Variants in N4BP2L1 observed in about 807,000 individuals in gnomAD.
N4BP2L1 encodes NEDD4 binding protein 2 like 1, also known as NEDD4-binding protein 2-like 1.
N4BP2L1 carries 12 observed loss-of-function variants against 21.2 expected under a neutral mutation model. That is an observed-to-expected ratio of 0.57 (90% CI 0.36 to 0.92). The LOEUF (loss-of-function observed/expected upper bound fraction) is 0.92. N4BP2L1 is among the 40% of genes least tolerant of loss of function. The probability of loss-of-function intolerance (pLI) is 0.01; values close to 1 mark genes in which losing one functional copy is unlikely to be tolerated. For missense variants in N4BP2L1, 259 were observed against 310.6 expected, an observed-to-expected ratio of 0.83 and a Z score of 1.25; for synonymous variants, 104 against 112.8, an observed-to-expected ratio of 0.92 and a Z score of 0.49.
At chr13:32,419,612 C>A (rs1021023389) in intron 1 of N4BP2L1, among the ~76,000 whole-genome samples, 41 of 151,864 alleles carry the variant, frequency 2.7e-4, no homozygotes, top group Non-Finnish European at 1.2e-4. Context: ...TTTTGCTCAG[C>A]ACTTCTCCTT....
chr13:32,423,122 T>C (rs763806887), intron 1 of N4BP2L1, among the ~76,000 whole-genome samples: 104 of 152,206 alleles, frequency 6.8e-4, no homozygotes, highest in Admixed American at 1.2e-3. Flanking sequence ...TTCCACTGCT[T>C]ATCTGGTTGT....
chr13:32,413,266 A>G (rs2073958728), intron 1 of N4BP2L1, among the ~76,000 whole-genome samples: 1 of 152,112 alleles, frequency 6.6e-6, no homozygotes, highest in Non-Finnish European at 1.5e-5. Flanking sequence ...AAAATTCCCC[A>G]ATGGTCTCAA....
rs1331385192 is a variant in N4BP2L1, at chr13:32,402,970, C to T, written c.704G>A (p.Arg235Lys). The part of the protein sequence containing the change: ...GGFTNESSYH[R>K]RGGCHHGY ...ATATCCATGGTGACAACCGCCCCTT[C>T]TGTGATAGGAGCTCTCATTTGTAAA... The change falls in exon 5 of 5, where the codon AGA (arginine) becomes AAA (lysine). Residue 235 changes from arginine (R) to lysine (K), a missense_variant. By Grantham distance (26) the Arg-to-Lys change is conservative (BLOSUM62 2). Coordinates refer to ENST00000380130, the MANE Select transcript of N4BP2L1 (RefSeq NM_052818.3). The T allele has an allele frequency of 4.3e-6, 7 of 1,611,218 alleles. No individual in the cohort carries two copies. The Admixed American group carries it at 1.2e-4, about 27-fold the overall frequency.
At chr13:32,404,503 G>A (rs1398415554) in intron 3 of N4BP2L1, 106 bp from the exon 4 acceptor site, 1 of 776,598 alleles carries the variant, frequency 1.3e-6, no homozygotes, top group East Asian at 2.7e-5. Flanking sequence ...AATTCCTTTT[G>A]TTTTACCAGT....
rs1044567848 is a variant in N4BP2L1 at position 32,402,792 on chromosome 13, A to G, written c.*150T>C. On this transcript the variant is annotated 3_prime_UTR_variant, in exon 5 of 5. Transcript: ENST00000380130. ...AGAAGCACTTTAACAAATTTTGGTGAAGAAAGTGAATATAATGACTTTGCT... is the reference window on the plus strand; with the variant it reads ...AGAAGCACTTTAACAAATTTTGGTGGAGAAAGTGAATATAATGACTTTGCT... 6.4e-6 allele frequency: 9 copies of G among 1,403,454 alleles called. No homozygotes were observed. In the African/African-American group the frequency reaches 1.3e-4, roughly 20 times the overall value. The allele number at this position is 1,403,454 out of a possible 1,614,324, so 86.9% of individuals were successfully genotyped here.
intron 1 of N4BP2L1, chr13:32,411,687 T>C: frequency 1.0e-6 from 1 of 985,148 alleles, no homozygotes; most frequent in Non-Finnish European, 1.2e-6. Context: ...CAACCCCCGC[T>C]CAAATTCATT....
chr13:32,428,465 T>G (rs2074918072), upstream of N4BP2L1, among the ~76,000 whole-genome samples: 1 of 151,822 alleles, frequency 6.6e-6, no homozygotes, highest in Admixed American at 6.6e-5. Flanking sequence ...AGCCCCGACC[T>G]GCCTAGACCC....
chr13:32,418,100 A>G (rs2074250599), intron 1 of N4BP2L1, among the ~76,000 whole-genome samples: 1 of 152,218 alleles, frequency 6.6e-6, no homozygotes, highest in Non-Finnish European at 1.5e-5. Context: ...CAATGGGGAA[A>G]ATGTCTCCAG....
intron 3 of N4BP2L1, 53 bp from the exon 4 acceptor site, chr13:32,404,450 A>T: frequency 7.7e-7 from 1 of 1,292,156 alleles, no homozygotes; most frequent in Non-Finnish European, 1.1e-6. Flanking sequence ...TATGTTTGGG[A>T]ATGTTTATGC....
intron 1 of N4BP2L1, among the ~76,000 whole-genome samples, chr13:32,413,538 G>T (rs569342575): frequency 6.6e-6 from 1 of 152,102 alleles, no homozygotes; most frequent in Non-Finnish European, 1.5e-5. Flanking sequence ...TGCTAAGTTC[G>T]ATCACTTGGC....
chr13:32,419,345 A>T (rs2074327582), intron 1 of N4BP2L1: 15 of 421,726 alleles, frequency 3.6e-5, no homozygotes, highest in South Asian at 2.5e-4. Flanking sequence ...TCTCGGGTTC[A>T]AGTGATTCTC....
At chr13:32,418,789 T>G (rs1237515436) in intron 1 of N4BP2L1, among the ~76,000 whole-genome samples, 1 of 152,234 alleles carries the variant, frequency 6.6e-6, no homozygotes, top group Non-Finnish European at 1.5e-5. Flanking sequence ...TTTGGAGCTT[T>G]AAGATTTGGC....
At chr13:32,428,351 C>T (rs2074915510), upstream of N4BP2L1, 2 of 316,332 alleles carry the variant, frequency 6.3e-6, no homozygotes, top group Non-Finnish European at 1.2e-5. Flanking sequence ...CCTCCTGGTG[C>T]CCTTTGCCCT....
intron 1 of N4BP2L1, among the ~76,000 whole-genome samples, chr13:32,417,548 G>A (rs545031619): frequency 6.6e-6 from 1 of 152,302 alleles, no homozygotes; most frequent in African/African-American, 2.4e-5. Flanking sequence ...TTTCGGGTAT[G>A]TCTTTATTAG....
At chr13:32,411,562 C>T in intron 1 of N4BP2L1, 3 of 985,264 alleles carry the variant, frequency 3.0e-6, no homozygotes, top group Non-Finnish European at 3.6e-6. Context: ...GAGGGTTAAG[C>T]CCCAGTTCTA....
upstream of N4BP2L1, among the ~76,000 whole-genome samples, chr13:32,429,063 A>G (rs1294748294): frequency 1.3e-5 from 2 of 152,262 alleles, no homozygotes; most frequent in Admixed American, 6.5e-5. Flanking sequence ...TGCAGAATAT[A>G]TGGTGGCTTT....
intron 1 of N4BP2L1, among the ~76,000 whole-genome samples, chr13:32,423,240 C>T (rs1162607609): frequency 6.6e-6 from 1 of 152,202 alleles, no homozygotes; most frequent in African/African-American, 2.4e-5. Flanking sequence ...TGAAAAGGTA[C>T]TTCTCATGAT....
intron 1 of N4BP2L1, chr13:32,420,396 T>C (rs206328): frequency 0.27 from 40,398 of 152,082 alleles, 5,866 homozygotes; most frequent in South Asian, 0.4. Flanking sequence ...TTTTGGCTGT[T>C]TTTTCCCAAA....
In N4BP2L1 at chr13:32,407,653, T is replaced by C; in HGVS notation, c.299A>G (p.Gln100Arg). 1.2e-6 allele frequency: 2 copies of C among 1,613,510 alleles called. No homozygotes were observed. The highest frequency in any genetic ancestry group is 1.7e-6 in the Non-Finnish European group (2 of 1,180,018). The change falls in exon 2 of 5, where the codon CAA (glutamine) becomes CGA (arginine). Residue 100 changes from glutamine to arginine, a missense_variant. Coordinates refer to ENST00000380130, the MANE Select transcript of N4BP2L1 (RefSeq NM_052818.3). ...GGGAAGGAATTTGTCACCTCTTTTT[T>C]GGTTCCATTCATGAGCTTCCTCCAG... ...DFLEEAHEWN[Q>R]KRARKAMRNG...
Sources: allele counts gnomAD v4.1 joint callset (sites outside exome capture counted in the v4.1 genomes callset), GRCh38; gene constraint gnomAD v4.1.1; transcripts MANE v1.5; gene names NCBI Gene and HGNC (gene_info 2026-07-23, HGNC 2026-07-21).